ANO10: variants seen among roughly 807,000 people sequenced by gnomAD.
ANO10 encodes anoctamin-10.
ANO10 carries 77 observed loss-of-function variants against 74.7 expected under a neutral mutation model. That is an observed-to-expected ratio of 1.03 (90% CI 0.86 to 1.25). The LOEUF (loss-of-function observed/expected upper bound fraction) is 1.25, where lower values mean the gene tolerates loss of function less well. Ranked by LOEUF, ANO10 falls within the 50% of genes most tolerant of loss-of-function variation. The pLI is 0.00. For missense variants in ANO10, 721 were observed against 778.1 expected (o/e 0.93, Z 0.87); for synonymous variants, 279 against 284.9 (o/e 0.98, Z 0.21).
chr3:43,423,118 G>GAA (rs36014128), intron 12 of ANO10, among the ~76,000 whole-genome samples: 2 of 137,484 alleles, frequency 1.5e-5, no homozygotes, highest in Non-Finnish European at 3.2e-5. Flanking sequence ...ATTTTTTTTG[G>GAA]AAAAAAAAAA....
In ANO10 at chr3:43,566,716, T is replaced by TA. The variant is rs573257630; in HGVS notation, c.1219-990dup. 5.6e-4 allele frequency among the ~76,000 whole-genome samples: 85 copies of TA among 152,152 alleles called. 1 individual carries two copies. The South Asian group carries it at 0.016, about 29-fold the overall frequency. Reference sequence around the variant, plus strand: ...ACCATCATCAAAGACCAAAAGTAGATAAAACCACAAAGATGGGGAAAAACC... The same window carrying TA: ...ACCATCATCAAAGACCAAAAGTAGATAAAAACCACAAAGATGGGGAAAAACC... On this transcript the variant is annotated intron_variant, in intron 7 of 12. Transcript: ENST00000292246.
At chr3:43,404,876 CA>C (rs3048939) in intron 12 of ANO10, among the ~76,000 whole-genome samples, 16,768 of 81,068 alleles carry the variant, frequency 0.21, 790 homozygotes, top group East Asian at 0.48. Context: ...GAACCTGTCT[CA>C]AAAAAAAAAA....
At chr3:43,481,462 G>A (rs1320423464) in intron 11 of ANO10, among the ~76,000 whole-genome samples, 1 of 152,086 alleles carries the variant, frequency 6.6e-6, no homozygotes, top group East Asian at 1.9e-4. Context: ...TCAGCCAAGG[G>A]CATTCCAAAG....
intron 1 of ANO10, chr3:43,690,908 CT>C: frequency 6.9e-7 from 1 of 1,443,342 alleles, no homozygotes; most frequent in South Asian, 1.3e-5. Context: ...CCTGCGCCGC[CT>C]TAAGTGCCGC....
chr3:43,659,576 C>G (rs935204139), intron 1 of ANO10, among the ~76,000 whole-genome samples: 1 of 152,206 alleles, frequency 6.6e-6, no homozygotes, highest in African/African-American at 2.4e-5. Flanking sequence ...GGTAGGGAAG[C>G]TGGAACTGGG....
intron 11 of ANO10, among the ~76,000 whole-genome samples, chr3:43,549,224 T>A (rs963349555): frequency 1.3e-5 from 2 of 152,094 alleles, no homozygotes; most frequent in Admixed American, 1.3e-4. Context: ...TGCCTCAGCC[T>A]CCCAAATAGC....
At chr3:43,522,402 G>GGT (rs1190138090) in intron 11 of ANO10, among the ~76,000 whole-genome samples, 2 of 151,792 alleles carry the variant, frequency 1.3e-5, no homozygotes, top group Non-Finnish European at 2.9e-5. Context: ...GCAATATTCT[G>GGT]GTGTTCTTTT....
intron 11 of ANO10, among the ~76,000 whole-genome samples, chr3:43,530,315 T>C (rs570499390): frequency 1.8e-4 from 28 of 151,762 alleles, no homozygotes; most frequent in Non-Finnish European, 3.7e-4. Context: ...ACAACACTCT[T>C]AAACCAAAAC....
intron 11 of ANO10, among the ~76,000 whole-genome samples, chr3:43,463,544 T>G (rs1219039352): frequency 6.6e-6 from 1 of 152,246 alleles, no homozygotes; most frequent in Non-Finnish European, 1.5e-5. Flanking sequence ...AAGATTTTAC[T>G]GCCCTGCTGG....
intron 10 of ANO10, among the ~76,000 whole-genome samples, chr3:43,554,536 G>T (rs1203146009): frequency 6.6e-6 from 1 of 152,114 alleles, no homozygotes; most frequent in Non-Finnish European, 1.5e-5. Context: ...TGTTAGGAGA[G>T]ATAAGATTCT....
intron 12 of ANO10, among the ~76,000 whole-genome samples, chr3:43,426,010 G>A (rs999607908): frequency 3.3e-5 from 5 of 152,174 alleles, no homozygotes; most frequent in Middle Eastern, 3.4e-3. Flanking sequence ...TCTTAACTCA[G>A]GCATTTCCTT....
At chr3:43,682,836 A>T (rs1217254752) in intron 1 of ANO10, among the ~76,000 whole-genome samples, 1 of 152,224 alleles carries the variant, frequency 6.6e-6, no homozygotes, top group Non-Finnish European at 1.5e-5. Flanking sequence ...AAAACACATG[A>T]TTATCTCAAT....
chr3:43,550,198 A>G (rs2079395935), intron 10 of ANO10, among the ~76,000 whole-genome samples: 1 of 152,308 alleles, frequency 6.6e-6, no homozygotes. Flanking sequence ...TTTCACATTA[A>G]AAAACAGGTA....
At chr3:43,413,500 A>G (rs927551080) in intron 12 of ANO10, among the ~76,000 whole-genome samples, 1 of 151,800 alleles carries the variant, frequency 6.6e-6, no homozygotes, top group African/African-American at 2.4e-5. Flanking sequence ...CTTGTGCCAT[A>G]TAAGATGCCT....
rs550264988 is a variant in ANO10, at chr3:43,512,600, G to A, written c.1797+37120C>T. On this transcript the variant is annotated intron_variant, in intron 11 of 12. Transcript: ENST00000292246. ...TGCAGTGGTGTGAACAAGAATCTTG[G>A]ACTAGAGGTTGCAGAGAGATAAGTC... is the stretch of plus-strand genomic sequence containing the variant. Among the ~76,000 whole-genome samples the A allele has an allele frequency of 2.6e-5, 4 of 152,200 alleles. No homozygotes were observed. The South Asian group carries it at 8.3e-4, about 32-fold the overall frequency.
chr3:43,603,018 G>A (rs911083374), intron 2 of ANO10, among the ~76,000 whole-genome samples: 1 of 152,110 alleles, frequency 6.6e-6, no homozygotes, highest in African/African-American at 2.4e-5. Flanking sequence ...GTATGGTTAA[G>A]TCATCCTTTG....
chr3:43,675,098 C>A (rs76606531), intron 1 of ANO10, among the ~76,000 whole-genome samples: 4,750 of 152,186 alleles, frequency 0.031, 554 homozygotes, highest in East Asian at 0.31. Flanking sequence ...AAGAGTCTAC[C>A]TACTAATACA....
At chr3:43,509,207 G>A (rs1015706864) in intron 11 of ANO10, among the ~76,000 whole-genome samples, 9 of 151,836 alleles carry the variant, frequency 5.9e-5, no homozygotes, top group Non-Finnish European at 1.2e-4. Context: ...ATCACACAAC[G>A]GGGCCTGTTG....
intron 12 of ANO10, among the ~76,000 whole-genome samples, chr3:43,393,445 C>T (rs543063551): frequency 1.6e-4 from 24 of 152,322 alleles, no homozygotes; most frequent in African/African-American, 5.5e-4. Flanking sequence ...TACTTATACC[C>T]TCTCTGGCCA....
Sources: allele counts gnomAD v4.1 joint callset (sites outside exome capture counted in the v4.1 genomes callset), GRCh38; gene constraint gnomAD v4.1.1; transcripts MANE v1.5; gene names NCBI Gene and HGNC (gene_info 2026-07-23, HGNC 2026-07-21).